Variants in JRK observed in about 807,000 individuals in gnomAD.
JRK encodes the protein Jrk helix-turn-helix protein.
For synonymous variants in JRK, 303 were observed against 218.1 expected, an observed-to-expected ratio of 1.39 and a Z score of -3.43; for missense variants, 720 against 509.2, an observed-to-expected ratio of 1.41 and a Z score of -3.98.
the JRK span, among the ~76,000 whole-genome samples, chr8:142,646,487 A>G: frequency 1.3e-5 from 2 of 152,216 alleles, no homozygotes; most frequent in African/African-American, 4.8e-5. Context: ...CAAGCAAAAA[A>G]TCATTGTTTT....
chr8:142,660,564 T>C lies in JRK; in HGVS notation c.*3788A>G. The C allele has an allele frequency of 2.9e-6, 2 of 698,352 alleles. No homozygotes were observed. Among genetic ancestry groups the C allele is most frequent in the South Asian group, 1.3e-4 (2 of 15,320 alleles). 43.3% of individuals were successfully genotyped at this position (698,352 alleles called of 1,614,324 possible). On this transcript the variant is annotated 3_prime_UTR_variant, in exon 2 of 2. Transcript: ENST00000612905. The stretch of plus-strand genomic sequence containing the variant: ...ACAGGCACATGCCACCACACCTGGC[T>C]CATTTTCTTTTACTTTCTGTAGAGA...
At position 142,663,875 on chromosome 8, in the gene JRK, G is replaced by A. The variant is rs1187619061; in HGVS notation, c.*477C>T. The A allele has an allele frequency of 1.0e-6, 1 of 989,616 alleles. No homozygotes were observed. Among genetic ancestry groups the A allele is most frequent in the Non-Finnish European group, 1.2e-6 (1 of 833,096 alleles). The allele number at this position is 989,616 out of a possible 1,614,324, so 61.3% of individuals were successfully genotyped here. ...CCGTGCTCGGGGTCCACCCAACACG[G>A]GGATGGCCGCCAGCCCAGCAGATAG... On this transcript the variant is annotated 3_prime_UTR_variant, in exon 2 of 2. Coordinates refer to ENST00000612905, the MANE Select transcript of JRK (RefSeq NM_003724.4).
the JRK span, among the ~76,000 whole-genome samples, chr8:142,646,694 T>C: frequency 6.6e-6 from 1 of 152,148 alleles, no homozygotes; most frequent in Admixed American, 6.6e-5. Flanking sequence ...TTACATAAAC[T>C]TCAAAAAGGG....
intron 1 of JRK, among the ~76,000 whole-genome samples, chr8:142,668,887 C>G (rs1253422130): frequency 6.6e-6 from 1 of 151,688 alleles, no homozygotes; most frequent in Admixed American, 6.6e-5. Context: ...ACGCTTTTCC[C>G]GGCATCCCAG....
At position 142,662,272 on chromosome 8, in the gene JRK, G is replaced by A. The variant is rs1554634671; in HGVS notation, c.*2080C>T. ...GACAAGCCATGTCCAGAGGACTCAG[G>A]AGAGCCAGCCAGGAGCTCGGCCAGC... On this transcript the variant is annotated 3_prime_UTR_variant, in exon 2 of 2. Coordinates refer to ENST00000612905, the MANE Select transcript of JRK (RefSeq NM_003724.4). 6.1e-6 allele frequency: 6 copies of A among 985,604 alleles called. No individual in the cohort carries two copies. The highest frequency in any genetic ancestry group is 9.4e-5 in the South Asian group (2 of 21,292). 61.1% of individuals were successfully genotyped at this position (985,604 alleles called of 1,614,324 possible).
At chr8:142,656,569 A>G (rs1307862442), downstream of JRK, among the ~76,000 whole-genome samples, 1 of 152,184 alleles carries the variant, frequency 6.6e-6, no homozygotes, top group Non-Finnish European at 1.5e-5. Flanking sequence ...CAGCCAGACT[A>G]TATTTTTGGC....
the JRK span, among the ~76,000 whole-genome samples, chr8:142,650,356 T>C: frequency 0.035 from 5,344 of 152,278 alleles, 117 homozygotes; most frequent in Non-Finnish European, 0.053. Flanking sequence ...AAAGGCATGA[T>C]TGGTTTCAAA....
chr8:142,665,052 C>T lies in JRK; in HGVS notation c.1007G>A (p.Arg336Gln), dbSNP rs1554635494. 9.8e-6 allele frequency: 7 copies of T among 716,460 alleles called. No individual in the cohort carries two copies. Among genetic ancestry groups the T allele is most frequent in the South Asian group, 3.0e-5 (2 of 67,596 alleles). 44.4% of individuals were successfully genotyped at this position (716,460 alleles called of 1,614,324 possible). A position where few individuals can be genotyped will look rare whatever the true frequency, so the allele number is the denominator to read the frequency against. Residue 336 changes from arginine (R) to glutamine (Q), a missense_variant, in exon 2 of 2, where the codon CGG (arginine) becomes CAG (glutamine). Coordinates refer to ENST00000612905, the MANE Select transcript of JRK (RefSeq NM_003724.4). ...AATGAAGTTCCTCATGAAATCTCTC[C>T]GAATGCCCTGCTCCATGGGCTGCAC... Reference protein sequence around the residue: ...SLVQPMEQGIRRDFMRNFINP... With the variant: ...SLVQPMEQGIQRDFMRNFINP...
chr8:142,652,212 T>C, the JRK span, among the ~76,000 whole-genome samples: 2 of 152,168 alleles, frequency 1.3e-5, no homozygotes, highest in African/African-American at 4.8e-5. Flanking sequence ...AGAATCCCTT[T>C]GTGATTACCA....
In JRK at chr8:142,659,915, G is replaced by A; in HGVS notation, c.*4437C>T. 1.0e-6 allele frequency: 1 copy of A among 985,554 alleles called. No individual in the cohort carries two copies. Among genetic ancestry groups the A allele is most frequent in the Non-Finnish European group, 1.2e-6 (1 of 830,000 alleles). The allele number at this position is 985,554 out of a possible 1,614,324, so 61.1% of individuals were successfully genotyped here. A position where few individuals can be genotyped will look rare whatever the true frequency, so the allele number is the denominator to read the frequency against. On this transcript the variant is annotated 3_prime_UTR_variant, in exon 2 of 2. Coordinates refer to ENST00000612905, the MANE Select transcript of JRK (RefSeq NM_003724.4). ...CACCTCATTTCATGTCATCATCACT[G>A]CCCTGCAAGGGAAACAACAGATGTG...
In JRK at chr8:142,658,974, G is replaced by A. The variant is rs587749064; in HGVS notation, c.*5378C>T. 1.9e-6 allele frequency: 3 copies of A among 1,606,042 alleles called. No homozygotes were observed. The highest frequency in any genetic ancestry group is 1.1e-5 in the South Asian group (1 of 89,484). On this transcript the variant is annotated 3_prime_UTR_variant, in exon 2 of 2. Coordinates refer to ENST00000612905, the MANE Select transcript of JRK (RefSeq NM_003724.4). The stretch of plus-strand genomic sequence containing the variant: ...AACAACAGAACTTTGCTGCTTCATG[G>A]AGGAGCGTCAGTATGTCCACACCAT...
downstream of JRK, among the ~76,000 whole-genome samples, chr8:142,657,280 G>A (rs1246714400): frequency 1.3e-5 from 2 of 152,156 alleles, no homozygotes; most frequent in East Asian, 3.9e-4. Context: ...CCTGGCTCGA[G>A]GGACAGGAGC....
At position 142,665,573 on chromosome 8, in the gene JRK, C is replaced by G. The variant is rs182435493; in HGVS notation, c.486G>C (p.Ala162=). ...SEKQSADHQA[A]EQFCAFFRSL... is the part of the protein sequence containing the mutation. ...TCCTGAAAAACGCACAGAACTGCTC[C>G]GCGGCCTGGTGGTCGGCTGACTGCT... The change falls in exon 2 of 2, where the codon GCG becomes GCC. Residue 162 remains alanine, a synonymous_variant. Coordinates refer to ENST00000612905, the MANE Select transcript of JRK (RefSeq NM_003724.4). The G allele has an allele frequency of 7.9e-3, 5,688 of 718,526 alleles. 348 individuals are homozygous for G. In the Admixed American group the frequency reaches 0.1, roughly 13 times the overall value. 44.5% of individuals were successfully genotyped at this position (718,526 alleles called of 1,614,324 possible).
chr8:142,664,086 G>C lies in JRK; in HGVS notation c.*266C>G. Reference sequence around the variant, plus strand: ...TCCAGCCAGGGTGCGGCTCTGGCTTGTTCTAGGCTAGGGTGGACCCTTCCA... The same window carrying C: ...TCCAGCCAGGGTGCGGCTCTGGCTTCTTCTAGGCTAGGGTGGACCCTTCCA... On this transcript the variant is annotated 3_prime_UTR_variant, in exon 2 of 2. Coordinates refer to ENST00000612905, the MANE Select transcript of JRK (RefSeq NM_003724.4). 3 of 1,264,338 alleles carry C rather than the reference G, an allele frequency of 2.4e-6. No homozygotes were observed. Among genetic ancestry groups the C allele is most frequent in the Non-Finnish European group, 3.0e-6 (3 of 1,005,626 alleles). The allele number at this position is 1,264,338 out of a possible 1,614,324, so 78.3% of individuals were successfully genotyped here.
the JRK span, among the ~76,000 whole-genome samples, chr8:142,646,957 C>T: frequency 2.0e-5 from 3 of 152,098 alleles, no homozygotes; most frequent in Admixed American, 6.6e-5. Context: ...TTAAATAGCC[C>T]TAAGTCTGCA....
Position 142,662,678 on chromosome 8 carries a change from G to GT in JRK, c.*1673dup, listed in dbSNP as rs1339546352. The GT allele has an allele frequency of 3.7e-5, 36 of 985,318 alleles. No homozygotes were observed. Among genetic ancestry groups the GT allele is most frequent in the African/African-American group, 5.2e-5 (3 of 57,232 alleles). 61.0% of individuals were successfully genotyped at this position (985,318 alleles called of 1,614,324 possible). On this transcript the variant is annotated 3_prime_UTR_variant, in exon 2 of 2. Coordinates refer to ENST00000612905, the MANE Select transcript of JRK (RefSeq NM_003724.4). Reference sequence around the variant, plus strand: ...TCTGTCAGCAATGACTTTTGCCCCTGTATCTACAGAGATGTGAAAGTACGA... The same window carrying GT: ...TCTGTCAGCAATGACTTTTGCCCCTGTTATCTACAGAGATGTGAAAGTACGA...
Position 142,664,705 on chromosome 8 carries a change from G to C in JRK, c.1354C>G (p.Pro452Ala), listed in dbSNP as rs587652544. The change falls in exon 2 of 2, where the codon CCC becomes GCC. Residue 452 changes from proline (P) to alanine (A), a missense_variant. By Grantham distance (27) the Pro-to-Ala change is conservative. Transcript: ENST00000612905. ...VAGREAEGGR[P>A]PAATSPAEVV... ...TCTGCTGGCGACGTGGCAGCAGGGGGCCGTCCCCCTTCTGCCTCCCTTCCC... is the reference window on the plus strand; with the variant it reads ...TCTGCTGGCGACGTGGCAGCAGGGGCCCGTCCCCCTTCTGCCTCCCTTCCC... 23 of 1,607,302 alleles carry C rather than the reference G, an allele frequency of 1.4e-5. No homozygotes were observed. Among genetic ancestry groups the C allele is most frequent in the Non-Finnish European group, 1.9e-5 (22 of 1,177,592 alleles).
chr8:142,656,328 C>G (rs1846751133), downstream of JRK, among the ~76,000 whole-genome samples: 1 of 152,208 alleles, frequency 6.6e-6, no homozygotes. Flanking sequence ...GACTGCATCT[C>G]AGTTTTTCTC....
chr8:142,661,886 A>T lies in JRK; in HGVS notation c.*2466T>A. The T allele has an allele frequency of 1.0e-5, 10 of 985,570 alleles. No homozygotes were observed. The highest frequency in any genetic ancestry group is 1.2e-5 in the Non-Finnish European group (10 of 830,032). 61.1% of individuals were successfully genotyped at this position (985,570 alleles called of 1,614,324 possible). On this transcript the variant is annotated 3_prime_UTR_variant, in exon 2 of 2. Transcript: ENST00000612905. The stretch of plus-strand genomic sequence containing the variant: ...GCTCGGAGGACACGGCAGTCTCCAT[A>T]AAGCGTTCTGGGGGACAGGACCGAG...
Sources: allele counts gnomAD v4.1 joint callset (sites outside exome capture counted in the v4.1 genomes callset), GRCh38; gene constraint gnomAD v4.1.1; transcripts MANE v1.5; gene names NCBI Gene and HGNC (gene_info 2026-07-23, HGNC 2026-07-21).